The following DLG2 variants were observed in gnomAD, a reference collection of about 807,000 sequenced individuals.
DLG2 encodes discs large MAGUK scaffold protein 2, also known as disks large homolog 2.
Under a neutral mutation model 132.5 loss-of-function variants are expected in DLG2, and 45 were observed. The ratio of observed to expected loss-of-function variants is 0.34; its 90% CI spans 0.27 to 0.44. The LOEUF (loss-of-function observed/expected upper bound fraction) is 0.44, where lower values mean the gene tolerates loss of function less well. Ranked by LOEUF, DLG2 falls within the 20% of genes least tolerant of loss-of-function variation. The pLI is 1.00. For synonymous variants in DLG2, 424 were observed against 419.6 expected, an observed-to-expected ratio of 1.01 and a Z score of -0.13; for missense variants, 1,045 against 1,196.9, an observed-to-expected ratio of 0.87 and a Z score of 1.87.
Position 85,520,683 on chromosome 11 carries a change from G to C in DLG2, c.40+77974C>G, listed in dbSNP as rs889202930. On this transcript the variant is annotated intron_variant, in intron 3 of 27. Coordinates refer to ENST00000376104, the MANE Select transcript of DLG2 (RefSeq NM_001142699.3). The stretch of plus-strand genomic sequence containing the variant: ...AAAAAACACATGGACCAATGGAACA[G>C]AACAGAGAATCTAGAAAGAAATCAA... 5.3e-5 allele frequency among the ~76,000 whole-genome samples: 8 copies of C among 151,922 alleles called. No individual in the cohort carries two copies. The South Asian group carries it at 6.2e-4, about 12-fold the overall frequency.
intron 17 of DLG2, among the ~76,000 whole-genome samples, chr11:83,828,079 A>G (rs952896705): frequency 4.6e-5 from 7 of 152,278 alleles, no homozygotes; most frequent in Admixed American, 1.3e-4. Flanking sequence ...AAAAATCCCT[A>G]TAATGGAGCT....
intron 7 of DLG2, among the ~76,000 whole-genome samples, chr11:84,439,051 C>T (rs1018796425): frequency 6.6e-6 from 1 of 152,166 alleles, no homozygotes; most frequent in African/African-American, 2.4e-5. Context: ...TAGAACAAGA[C>T]AGTGTAAGAC....
intron 7 of DLG2, among the ~76,000 whole-genome samples, chr11:84,357,148 C>A (rs539325524): frequency 6.6e-6 from 1 of 152,170 alleles, no homozygotes; most frequent in Non-Finnish European, 1.5e-5. Flanking sequence ...TGAGCCGAGA[C>A]AGCACAGTCT....
intron 7 of DLG2, among the ~76,000 whole-genome samples, chr11:84,316,132 C>T (rs1011122187): frequency 2.6e-5 from 4 of 152,020 alleles, no homozygotes; most frequent in Non-Finnish European, 4.4e-5. Context: ...ACCTAGGAAT[C>T]AAATTAAAGG....
At chr11:84,098,785 T>A (rs1566484965) in intron 10 of DLG2, 138 bp downstream of exon 10, 2 of 986,976 alleles carry the variant, frequency 2.0e-6, no homozygotes, top group Middle Eastern at 3.2e-4. Context: ...ATCTGCAAAG[T>A]CATTTCAGGA....
intron 17 of DLG2, among the ~76,000 whole-genome samples, chr11:83,799,774 G>T (rs2043846892): frequency 6.6e-6 from 1 of 152,158 alleles, no homozygotes; most frequent in Admixed American, 6.5e-5. Flanking sequence ...TGTTGACTTT[G>T]CTATGTCTGT....
At chr11:84,164,524 A>G (rs904779990) in intron 8 of DLG2, among the ~76,000 whole-genome samples, 1 of 152,238 alleles carries the variant, frequency 6.6e-6, no homozygotes, top group Non-Finnish European at 1.5e-5. Flanking sequence ...TGAGAGTTCT[A>G]TGCAGGCAAG....
chr11:84,342,798 C>T (rs910508416), intron 7 of DLG2, among the ~76,000 whole-genome samples: 4 of 152,074 alleles, frequency 2.6e-5, no homozygotes, highest in Admixed American at 6.6e-5. Context: ...TTTATTGGGT[C>T]TAAAATAGTG....
intron 7 of DLG2, among the ~76,000 whole-genome samples, chr11:84,505,891 T>C (rs1304109218): frequency 6.6e-6 from 1 of 152,044 alleles, no homozygotes; most frequent in Non-Finnish European, 1.5e-5. Flanking sequence ...TTCTGGGTTG[T>C]AGTAGGCCGA....
chr11:83,498,021 C>A (rs913638508), intron 21 of DLG2, among the ~76,000 whole-genome samples: 1 of 151,828 alleles, frequency 6.6e-6, no homozygotes, highest in Non-Finnish European at 1.5e-5. Context: ...TACAGAGATA[C>A]AAATATCCCT....
At chr11:85,002,060 T>C (rs933818210) in intron 6 of DLG2, among the ~76,000 whole-genome samples, 2 of 152,312 alleles carry the variant, frequency 1.3e-5, no homozygotes, top group Non-Finnish European at 2.9e-5. Context: ...AGTGCTTTAT[T>C]AAGGTGATTC....
At chr11:84,803,655 T>A (rs1305416419) in intron 6 of DLG2, among the ~76,000 whole-genome samples, 3 of 152,228 alleles carry the variant, frequency 2.0e-5, no homozygotes, top group African/African-American at 7.2e-5. Flanking sequence ...TTTGAGGATA[T>A]AAATGTGCCT....
At chr11:83,530,310 G>T (rs1204268585) in intron 21 of DLG2, among the ~76,000 whole-genome samples, 3 of 152,022 alleles carry the variant, frequency 2.0e-5, no homozygotes, top group Non-Finnish European at 4.4e-5. Flanking sequence ...TATTTTAGGG[G>T]AGGGTAAATT....
intron 7 of DLG2, among the ~76,000 whole-genome samples, chr11:84,530,798 G>A (rs1169963680): frequency 6.6e-6 from 1 of 152,182 alleles, no homozygotes; most frequent in African/African-American, 2.4e-5. Flanking sequence ...AATATAAATT[G>A]TTCTGCCGTT....
intron 4 of DLG2, among the ~76,000 whole-genome samples, chr11:85,275,019 C>T (rs1196338597): frequency 6.6e-6 from 1 of 152,116 alleles, no homozygotes; most frequent in Non-Finnish European, 1.5e-5. Flanking sequence ...CGGGAAGATA[C>T]CCTATCCTTC....
intron 7 of DLG2, among the ~76,000 whole-genome samples, chr11:84,426,002 T>A (rs1466251969): frequency 2.0e-5 from 3 of 152,050 alleles, no homozygotes; most frequent in African/African-American, 7.2e-5. Flanking sequence ...ACTGAAGACA[T>A]GGTAAAGTCA....
intron 7 of DLG2, among the ~76,000 whole-genome samples, chr11:84,505,476 T>C (rs1379524087): frequency 6.6e-6 from 1 of 152,184 alleles, no homozygotes; most frequent in Non-Finnish European, 1.5e-5. Flanking sequence ...ACTGCAAGTA[T>C]TGAATGAGAG....
At position 85,308,922 on chromosome 11, in the gene DLG2, T is replaced by C. The variant is rs563976493; in HGVS notation, c.41-23557A>G. On this transcript the variant is annotated intron_variant, in intron 3 of 27. Transcript: ENST00000376104. The stretch of plus-strand genomic sequence containing the variant: ...TTATTTTCCCTATGGTGGGTAATAT[T>C]ATTATTCATTATTCAGACATTGACA... Among the ~76,000 whole-genome samples, 21 of 152,244 alleles carry C rather than the reference T, an allele frequency of 1.4e-4. 1 individual carries two copies. The highest frequency in any genetic ancestry group is 4.1e-4 in the African/African-American group (17 of 41,542).
chr11:84,770,060 G>A (rs922205505), intron 6 of DLG2, among the ~76,000 whole-genome samples: 1 of 152,132 alleles, frequency 6.6e-6, no homozygotes, highest in Non-Finnish European at 1.5e-5. Context: ...GGGTTATGGA[G>A]GTAGATTCCC....
Sources: allele counts gnomAD v4.1 joint callset (sites outside exome capture counted in the v4.1 genomes callset), GRCh38; gene constraint gnomAD v4.1.1; transcripts MANE v1.5; gene names NCBI Gene and HGNC (gene_info 2026-07-23, HGNC 2026-07-21).